The following ADAM22 variants were observed in gnomAD, a reference collection of about 807,000 sequenced individuals.
ADAM22 encodes ADAM metallopeptidase domain 22, also known as disintegrin and metalloproteinase domain-containing protein 22.
A neutral mutation model predicts 144.6 loss-of-function variants in ADAM22; 65 were observed. The observed-to-expected ratio is 0.45, with a 90% confidence interval of 0.37 to 0.55. ADAM22 has a LOEUF of 0.55. ADAM22 is among the 20% of genes least tolerant of loss of function. The pLI, the probability that ADAM22 is intolerant of heterozygous loss-of-function variation, is 0.00. For synonymous variants in ADAM22, 391 were observed against 412.6 expected (o/e 0.95, Z 0.63); for missense variants, 974 against 1,184.9 (o/e 0.82, Z 2.61).
At chr7:88,005,435 G>A (rs2129457988) in intron 3 of ADAM22, among the ~76,000 whole-genome samples, 1 of 152,292 alleles carries the variant, frequency 6.6e-6, no homozygotes, top group African/African-American at 2.4e-5. Flanking sequence ...CACCATCACA[G>A]TGGGATCTAC....
At chr7:88,064,973 G>A (rs1403003047) in intron 3 of ADAM22, among the ~76,000 whole-genome samples, 1 of 152,004 alleles carries the variant, frequency 6.6e-6, no homozygotes, top group African/African-American at 2.4e-5. Flanking sequence ...ATAGTAGTAG[G>A]TGCTCAAAAT....
chr7:88,008,741 G>T (rs36200724), intron 3 of ADAM22, among the ~76,000 whole-genome samples: 61,348 of 151,332 alleles, frequency 0.41, 13,450 homozygotes, highest in East Asian at 0.59. Flanking sequence ...CACACTCTGG[G>T]GACTGTTGTG....
rs766368727 is a variant in ADAM22 at position 88,134,437 on chromosome 7, T to A, written c.1168+18T>A. 10 of 1,538,148 alleles carry A rather than the reference T, an allele frequency of 6.5e-6. No individual in the cohort carries two copies. The Middle Eastern group carries it at 7.0e-4, about 107-fold the overall frequency. On this transcript the variant is annotated intron_variant, in intron 13 of 31. Transcript: ENST00000413139. The stretch of plus-strand genomic sequence containing the variant: ...AGCAAGTGGTAAGTTTTAGTACATG[T>A]GTGGTTAGTTGTATTTAAAATAGAC...
intron 17 of ADAM22, 151 bp downstream of exon 17, chr7:88,145,658 C>T: frequency 1.6e-6 from 1 of 612,270 alleles, no homozygotes; most frequent in South Asian, 2.0e-5. Context: ...TTCACAAAAT[C>T]TTGTGTGGTG....
intron 12 of ADAM22, among the ~76,000 whole-genome samples, chr7:88,133,742 C>T (rs1304344703): frequency 6.6e-6 from 1 of 152,096 alleles, no homozygotes; most frequent in Non-Finnish European, 1.5e-5. Context: ...TTCTTTTACT[C>T]CTAAGGCACT....
intron 4 of ADAM22, among the ~76,000 whole-genome samples, chr7:88,087,430 C>T (rs1818722838): frequency 6.6e-6 from 1 of 152,016 alleles, no homozygotes; most frequent in African/African-American, 2.4e-5. Context: ...CACTCCAGGC[C>T]AAAGCTTGTT....
rs147938315 is a variant in ADAM22, at chr7:88,003,066, T to A, written c.323+24654T>A. On this transcript the variant is annotated intron_variant, in intron 3 of 31. Coordinates refer to ENST00000413139, the MANE Select transcript of ADAM22 (RefSeq NM_001324418.2). Reference sequence around the variant, plus strand: ...CTAACTGGGATCAGAATAAAAAGAGTTGAAGCAGGGAAAATTATGAAAACG... The same window carrying A: ...CTAACTGGGATCAGAATAAAAAGAGATGAAGCAGGGAAAATTATGAAAACG... 2.1e-3 allele frequency among the ~76,000 whole-genome samples: 314 copies of A among 152,186 alleles called. 1 individual carries two copies. Among genetic ancestry groups the A allele is most frequent in the Non-Finnish European group, 3.5e-3 (235 of 67,996 alleles).
At chr7:88,028,397 A>G (rs1037371973) in intron 3 of ADAM22, among the ~76,000 whole-genome samples, 1 of 152,146 alleles carries the variant, frequency 6.6e-6, no homozygotes, top group Non-Finnish European at 1.5e-5. Flanking sequence ...TTTGTGGCCT[A>G]ATATATGGTC....
intron 2 of ADAM22, among the ~76,000 whole-genome samples, chr7:87,967,627 G>T (rs1394352847): frequency 6.6e-6 from 1 of 151,876 alleles, no homozygotes; most frequent in South Asian, 2.1e-4. Context: ...TTCCCAGATG[G>T]TGAAACCCGT....
intron 12 of ADAM22, among the ~76,000 whole-genome samples, chr7:88,134,099 T>A (rs1832459787): frequency 6.6e-6 from 1 of 152,226 alleles, no homozygotes; most frequent in Admixed American, 6.5e-5. Context: ...AAAGCTGTGA[T>A]TATTTCCTGA....
At chr7:88,125,787 G>A (rs921419222) in intron 8 of ADAM22, 128 bp downstream of exon 8, 23 of 677,406 alleles carry the variant, frequency 3.4e-5, no homozygotes, top group African/African-American at 7.6e-5. Flanking sequence ...GTGATAAACC[G>A]TAAGGGTGAT....
chr7:87,971,016 A>G (rs1478164807), intron 2 of ADAM22, among the ~76,000 whole-genome samples: 1 of 152,180 alleles, frequency 6.6e-6, no homozygotes, highest in Non-Finnish European at 1.5e-5. Flanking sequence ...ACATACTGCA[A>G]GCACATACTT....
At chr7:87,967,866 A>G (rs1170660755) in intron 2 of ADAM22, among the ~76,000 whole-genome samples, 1 of 150,220 alleles carries the variant, frequency 6.7e-6, no homozygotes, top group Non-Finnish European at 1.5e-5. Context: ...AAAGTGTGCC[A>G]AGGTGCTTAC....
At chr7:87,949,637 T>C (rs547439907) in intron 2 of ADAM22, among the ~76,000 whole-genome samples, 22 of 152,302 alleles carry the variant, frequency 1.4e-4, no homozygotes, top group Non-Finnish European at 2.6e-4. Context: ...TTTCCCTTAC[T>C]ATTTATTTTT....
At chr7:88,033,197 A>G (rs891784671) in intron 3 of ADAM22, among the ~76,000 whole-genome samples, 1 of 152,216 alleles carries the variant, frequency 6.6e-6, no homozygotes, top group Non-Finnish European at 1.5e-5. Flanking sequence ...TTCCAGGTGT[A>G]TGAAGCTTGG....
intron 24 of ADAM22, among the ~76,000 whole-genome samples, chr7:88,167,104 T>A (rs1563375111): frequency 6.6e-6 from 1 of 152,190 alleles, no homozygotes; most frequent in South Asian, 2.1e-4. Context: ...ACTACTATCA[T>A]GGAGAATTGA....
chr7:88,071,392 T>A (rs1250122041), intron 3 of ADAM22, among the ~76,000 whole-genome samples: 2 of 69,764 alleles, frequency 2.9e-5, no homozygotes, highest in East Asian at 2.3e-3. Flanking sequence ...TATGAAGTGA[T>A]TTTTTTTTTT....
Position 87,935,033 on chromosome 7 carries a change from C to G in ADAM22, c.93C>G (p.Ala31=), listed in dbSNP as rs771654544. Residue 31 remains alanine (A), a synonymous_variant, in exon 2 of 32, where the codon GCC becomes GCG. Transcript: ENST00000413139. ...PPARCGQAGD[A]SLMELEKRKE... ...CCCGGTTCCTGCCTGGAGGAGACGCCTCATTGATGGAGCTAGAGAAGAGGA... is the reference window on the plus strand; with the variant it reads ...CCCGGTTCCTGCCTGGAGGAGACGCGTCATTGATGGAGCTAGAGAAGAGGA... 1.5e-5 allele frequency: 25 copies of G among 1,614,020 alleles called. No homozygotes were observed. The African/African-American group carries it at 3.3e-4, about 22-fold the overall frequency.
At position 87,999,883 on chromosome 7, in the gene ADAM22, G is replaced by A. The variant is rs191699187; in HGVS notation, c.323+21471G>A. ...TCCAGCTATTTGAGAGGCTGAGGTC[G>A]AAGGAGACTTGAGACCAGGAGCTCC... On this transcript the variant is annotated intron_variant, in intron 3 of 31. Transcript: ENST00000413139. 3.0e-3 allele frequency among the ~76,000 whole-genome samples: 451 copies of A among 151,930 alleles called. 1 individual carries two copies. The highest frequency in any genetic ancestry group is 6.8e-3 in the African/African-American group (283 of 41,432).
Sources: allele counts gnomAD v4.1 joint callset (sites outside exome capture counted in the v4.1 genomes callset), GRCh38; gene constraint gnomAD v4.1.1; transcripts MANE v1.5; gene names NCBI Gene and HGNC (gene_info 2026-07-23, HGNC 2026-07-21).